The following ME3 variants were observed in gnomAD, a reference collection of about 807,000 sequenced individuals.
The protein encoded by ME3 is NADP-dependent malic enzyme, mitochondrial.
In ME3, 48 loss-of-function variants were observed where a neutral mutation model predicts 68.9. The ratio of observed to expected loss-of-function variants is 0.70; its 90% confidence interval spans 0.55 to 0.89. The LOEUF is 0.89. Among genes scored for constraint, ME3 ranks in the 40% least tolerant of loss-of-function variants. ME3 has a pLI of 0.00. For synonymous variants in ME3, 320 were observed against 318.8 expected, an observed-to-expected ratio of 1.00 and a Z score of -0.04; for missense variants, 675 against 797.4, an observed-to-expected ratio of 0.85 and a Z score of 1.85.
intron 2 of ME3, among the ~76,000 whole-genome samples, chr11:86,645,835 T>C (rs2155033): frequency 0.2 from 30,550 of 152,074 alleles, 3,923 homozygotes; most frequent in East Asian, 0.56. Flanking sequence ...CCCTCTGGGA[T>C]GAAGCTTCCA....
At chr11:86,565,873 A>G (rs749375285) in intron 2 of ME3, among the ~76,000 whole-genome samples, 1 of 152,220 alleles carries the variant, frequency 6.6e-6, no homozygotes, top group African/African-American at 2.4e-5. Context: ...CCTGGTCACA[A>G]TCAAGCCCTG....
chr11:86,540,103 T>A (rs747305257), intron 4 of ME3, among the ~76,000 whole-genome samples: 1 of 152,208 alleles, frequency 6.6e-6, no homozygotes, highest in Non-Finnish European at 1.5e-5. Flanking sequence ...CAGAGATTCA[T>A]CCTTGACTAT....
chr11:86,578,313 C>G (rs529228160), intron 2 of ME3, among the ~76,000 whole-genome samples: 1 of 152,060 alleles, frequency 6.6e-6, no homozygotes, highest in Non-Finnish European at 1.5e-5. Flanking sequence ...CAGCAGAGAA[C>G]AAGGGAAGTA....
chr11:86,549,452 G>GCAAAAAAT (rs1956552786), intron 4 of ME3, among the ~76,000 whole-genome samples: 7 of 152,132 alleles, frequency 4.6e-5, no homozygotes, highest in African/African-American at 1.7e-4. Context: ...CTAAACCATG[G>GCAAAAAAT]TATCCTTTTT....
chr11:86,546,803 A>G (rs1309878416), intron 4 of ME3, among the ~76,000 whole-genome samples: 1 of 152,344 alleles, frequency 6.6e-6, no homozygotes, highest in East Asian at 1.9e-4. Context: ...TGACCCAGCA[A>G]TCCCATTACT....
intron 4 of ME3, among the ~76,000 whole-genome samples, chr11:86,513,756 A>G (rs1953699238): frequency 6.6e-6 from 1 of 152,282 alleles, no homozygotes; most frequent in South Asian, 2.1e-4. Flanking sequence ...CCATCCTTCC[A>G]TTTCCTGGTA....
At chr11:86,540,450 C>T (rs34416639) in intron 4 of ME3, among the ~76,000 whole-genome samples, 12,548 of 152,186 alleles carry the variant, frequency 0.082, 577 homozygotes, top group Non-Finnish European at 0.11. Flanking sequence ...GTGCCACCCC[C>T]AGTGGAGTGG....
intron 2 of ME3, among the ~76,000 whole-genome samples, chr11:86,627,915 G>A (rs1943762651): frequency 6.6e-6 from 1 of 152,186 alleles, no homozygotes. Flanking sequence ...AATGGCTTCT[G>A]GAATCAATTA....
chr11:86,495,052 C>CTAAAAATCAAGAAA (rs1350956341), intron 6 of ME3, among the ~76,000 whole-genome samples: 1 of 152,078 alleles, frequency 6.6e-6, no homozygotes, highest in Non-Finnish European at 1.5e-5. Flanking sequence ...AATAAAAATT[C>CTAAAAATCAAGAAA]TAAAAATCAA....
rs568764880 is a variant in ME3 at position 86,487,378 on chromosome 11, G to A, written c.768C>T (p.Tyr256=). Residue 256 remains tyrosine, a synonymous_variant, in exon 7 of 15, where the codon TAC becomes TAT. Transcript: ENST00000543262. ...GCATGAACTCATCCAGCAAGTCATC[G>A]TATGCCTTCCCGTGCACGCGCTGGT... 8.7e-6 allele frequency: 14 copies of A among 1,614,152 alleles called. No individual in the cohort carries two copies. The South Asian group carries it at 1.3e-4, about 15-fold the overall frequency.
At position 86,535,328 on chromosome 11, in the gene ME3, C is replaced by T. The variant is rs1016096071; in HGVS notation, c.467+21225G>A. On this transcript the variant is annotated intron_variant, in intron 4 of 14. Coordinates refer to ENST00000543262, the Ensembl canonical transcript of ME3. Reference sequence around the variant, plus strand: ...CATCTATGTCGTCCACTTGGCTGCACGTGGGAAGCACAGATTGGCTTATCC... The same window carrying T: ...CATCTATGTCGTCCACTTGGCTGCATGTGGGAAGCACAGATTGGCTTATCC... 5.3e-5 allele frequency among the ~76,000 whole-genome samples: 8 copies of T among 152,266 alleles called. No individual in the cohort carries two copies. The South Asian group carries it at 1.2e-3, about 24-fold the overall frequency.
chr11:86,586,597 C>T (rs965051525), intron 2 of ME3, among the ~76,000 whole-genome samples: 4 of 152,070 alleles, frequency 2.6e-5, no homozygotes, highest in African/African-American at 9.7e-5. Context: ...TGCCAAAGTC[C>T]TCAATAATTG....
chr11:86,554,735 T>C (rs953320425), intron 4 of ME3, among the ~76,000 whole-genome samples: 31 of 152,198 alleles, frequency 2.0e-4, no homozygotes, highest in African/African-American at 7.0e-4. Context: ...TCGGGGCTGA[T>C]TGCAAAGAAC....
intron 2 of ME3, among the ~76,000 whole-genome samples, chr11:86,567,000 C>G (rs1369730586): frequency 6.6e-6 from 1 of 151,800 alleles, no homozygotes; most frequent in African/African-American, 2.4e-5. Context: ...GGTGGATCAC[C>G]TGAAGTCGGG....
chr11:86,591,024 G>A (rs1541308), intron 2 of ME3, among the ~76,000 whole-genome samples: 56,774 of 152,140 alleles, frequency 0.37, 13,049 homozygotes, highest in Non-Finnish European at 0.51. Context: ...GCGATGGGGG[G>A]AAGGCAGAAG....
intron 2 of ME3, among the ~76,000 whole-genome samples, chr11:86,623,076 A>C (rs1294019772): frequency 6.6e-6 from 1 of 152,216 alleles, no homozygotes; most frequent in Non-Finnish European, 1.5e-5. Context: ...GACAGCAGGT[A>C]AAACATTATT....
chr11:86,551,852 C>T (rs1009685111), intron 4 of ME3, among the ~76,000 whole-genome samples: 5 of 152,172 alleles, frequency 3.3e-5, no homozygotes, highest in South Asian at 2.1e-4. Flanking sequence ...ACAGAGCTTC[C>T]GACTACATAA....
intron 6 of ME3, 132 bp from the exon 7 acceptor site, chr11:86,487,572 T>TC (rs1289202067): frequency 1.6e-5 from 11 of 671,894 alleles, no homozygotes; most frequent in East Asian, 2.7e-5. Flanking sequence ...GGTAACTGGA[T>TC]CCCCCCCGCC....
intron 7 of ME3, among the ~76,000 whole-genome samples, chr11:86,485,061 A>G (rs1219537874): frequency 6.6e-6 from 1 of 152,216 alleles, no homozygotes; most frequent in Non-Finnish European, 1.5e-5. Context: ...TTTCTGTGAC[A>G]GGGAACTCAT....
Sources: gnomAD v4.1 joint callset for allele counts (sites outside exome capture counted in the v4.1 genomes callset) on GRCh38, gnomAD v4.1.1 for gene constraint, MANE v1.5 for transcripts, NCBI Gene and HGNC (gene_info 2026-07-23, HGNC 2026-07-21) for gene names.